The following CRACD variants were observed in gnomAD, a reference collection of about 807,000 sequenced individuals.
CRACD encodes the protein capping protein inhibiting regulator of actin dynamics.
Under a neutral mutation model 106.8 loss-of-function variants are expected in CRACD, and 56 were observed. That is an observed-to-expected ratio of 0.52 (90% confidence interval 0.42 to 0.66). CRACD has a LOEUF of 0.66. CRACD is among the 30% of genes least tolerant of loss of function. The probability of loss-of-function intolerance (pLI) is 0.00; values close to 1 mark genes in which losing one functional copy is unlikely to be tolerated. For synonymous variants in CRACD, 754 were observed against 670.8 expected (o/e 1.12, Z -1.92); for missense variants, 1,730 against 1,623.2 (o/e 1.07, Z -1.13).
chr4:56,100,481 G>A (rs1733742959), intron 1 of CRACD, among the ~76,000 whole-genome samples: 1 of 152,136 alleles, frequency 6.6e-6, no homozygotes, highest in African/African-American at 2.4e-5. Context: ...TCATAAAACT[G>A]TCAATAGGAA....
chr4:56,202,186 T>TTA (rs531300469), intron 2 of CRACD, among the ~76,000 whole-genome samples: 208 of 151,910 alleles, frequency 1.4e-3, no homozygotes, highest in African/African-American at 4.8e-3. Flanking sequence ...ACTTTTTATT[T>TTA]TATGTTTTAA....
chr4:56,068,631 C>T (rs1732536428), intron 1 of CRACD, among the ~76,000 whole-genome samples: 1 of 152,136 alleles, frequency 6.6e-6, no homozygotes, highest in Admixed American at 6.5e-5. Flanking sequence ...GGGTCAGATT[C>T]TGGACACATT....
chr4:56,293,423 G>A (rs1577868950), intron 3 of CRACD, among the ~76,000 whole-genome samples: 1 of 152,156 alleles, frequency 6.6e-6, no homozygotes, highest in Admixed American at 6.5e-5. Context: ...AAAAAACAAA[G>A]ATAAAGAGGC....
At position 56,108,393 on chromosome 4, in the gene CRACD, T is replaced by C. The variant is rs540806604; in HGVS notation, c.-336+59094T>C. 3.0e-3 allele frequency among the ~76,000 whole-genome samples: 460 copies of C among 152,206 alleles called. 2 individuals carry two copies. The highest frequency in any genetic ancestry group is 5.6e-3 in the Non-Finnish European group (381 of 68,004). ...TGAGAAAACACCAGAAAAATTCAAATTGGGAGAATATAAAATACAATGATT... is the reference window on the plus strand; with the variant it reads ...TGAGAAAACACCAGAAAAATTCAAACTGGGAGAATATAAAATACAATGATT... On this transcript the variant is annotated intron_variant, in intron 1 of 10. Coordinates refer to ENST00000682029, the MANE Select transcript of CRACD (RefSeq NM_001393381.1).
At chr4:56,169,261 A>T (rs553259326) in intron 1 of CRACD, among the ~76,000 whole-genome samples, 1 of 152,320 alleles carries the variant, frequency 6.6e-6, no homozygotes, top group South Asian at 2.1e-4. Context: ...GAAATTCAAG[A>T]CAGTTCCATA....
At chr4:56,285,129 G>A (rs1743262737) in intron 3 of CRACD, among the ~76,000 whole-genome samples, 1 of 152,108 alleles carries the variant, frequency 6.6e-6, no homozygotes, top group African/African-American at 2.4e-5. Context: ...AAGAACAAAG[G>A]GGGAAGTGCC....
chr4:56,110,392 AAACATGGAAACCAGGAAATAGTGCATTT>A (rs1210745732), intron 1 of CRACD, among the ~76,000 whole-genome samples: 1 of 152,190 alleles, frequency 6.6e-6, no homozygotes, highest in Admixed American at 6.5e-5. Context: ...AGGAAGAGGA[AAACATGGAAACCAGGAAATAGTGCATTT>A]ACCATGAAAG....
intron 4 of CRACD, chr4:56,301,360 C>T: frequency 2.0e-6 from 1 of 498,918 alleles, no homozygotes. Context: ...AGACCGCCCC[C>T]TTGTAGATGC....
At chr4:56,163,538 G>T (rs536361229) in intron 1 of CRACD, among the ~76,000 whole-genome samples, 1 of 151,850 alleles carries the variant, frequency 6.6e-6, no homozygotes, top group African/African-American at 2.4e-5. Context: ...TAGTTTGATT[G>T]CTTCATTTTA....
intron 3 of CRACD, among the ~76,000 whole-genome samples, chr4:56,292,787 G>A (rs1244688105): frequency 1.3e-5 from 2 of 152,146 alleles, no homozygotes; most frequent in Non-Finnish European, 2.9e-5. Flanking sequence ...GCCTCCCAAA[G>A]TGCTGGGATT....
intron 1 of CRACD, among the ~76,000 whole-genome samples, chr4:56,104,923 C>T (rs1172404820): frequency 1.4e-5 from 2 of 148,024 alleles, no homozygotes; most frequent in East Asian, 2.0e-4. Flanking sequence ...GCTGAGTTGG[C>T]GCCACTGTAC....
chr4:56,085,799 T>A (rs894229504), intron 1 of CRACD, among the ~76,000 whole-genome samples: 1 of 152,126 alleles, frequency 6.6e-6, no homozygotes, highest in Non-Finnish European at 1.5e-5. Flanking sequence ...GAACTGACAA[T>A]TTTTAGATAT....
Position 56,296,037 on chromosome 4 carries a change from C to T in CRACD, c.-16-2177C>T, listed in dbSNP as rs908755196. On this transcript the variant is annotated intron_variant, in intron 3 of 10. Coordinates refer to ENST00000682029, the MANE Select transcript of CRACD (RefSeq NM_001393381.1). The stretch of plus-strand genomic sequence containing the variant: ...TTTAGCTGAAGACGTATGCCTTATT[C>T]TAGCTATTTAGTGTCTTCAACCCTC... 3.3e-5 allele frequency among the ~76,000 whole-genome samples: 5 copies of T among 152,224 alleles called. No homozygotes were observed. The East Asian group carries it at 9.7e-4, about 30-fold the overall frequency.
intron 1 of CRACD, among the ~76,000 whole-genome samples, chr4:56,100,037 T>C (rs1048775361): frequency 5.9e-5 from 9 of 152,114 alleles, no homozygotes; most frequent in African/African-American, 2.2e-4. Flanking sequence ...GGTCAGGAGT[T>C]TGAGACCAGC....
chr4:56,256,808 A>T (rs965667472), intron 2 of CRACD, among the ~76,000 whole-genome samples: 1 of 152,210 alleles, frequency 6.6e-6, no homozygotes, highest in African/African-American at 2.4e-5. Context: ...CCCCCAACAG[A>T]TTGAATGGAC....
At chr4:56,150,490 GAA>G (rs1227544934) in intron 1 of CRACD, among the ~76,000 whole-genome samples, 2 of 152,164 alleles carry the variant, frequency 1.3e-5, no homozygotes, top group African/African-American at 4.8e-5. Context: ...CTAGTGGCAA[GAA>G]ATGAAACATT....
At chr4:56,180,258 G>A (rs923116413) in intron 2 of CRACD, among the ~76,000 whole-genome samples, 2 of 151,984 alleles carry the variant, frequency 1.3e-5, no homozygotes, top group African/African-American at 2.4e-5. Flanking sequence ...TTGGGAGGCC[G>A]AGGTGGGCGA....
At chr4:56,232,859 G>T (rs1739721339) in intron 2 of CRACD, among the ~76,000 whole-genome samples, 1 of 151,808 alleles carries the variant, frequency 6.6e-6, no homozygotes, top group African/African-American at 2.4e-5. Flanking sequence ...CAAGTAGTTG[G>T]GATTACAGGT....
chr4:56,326,016 A>G (rs1181264107), intron 10 of CRACD, among the ~76,000 whole-genome samples: 1 of 152,182 alleles, frequency 6.6e-6, no homozygotes, highest in Non-Finnish European at 1.5e-5. Flanking sequence ...GGTTCAAGCA[A>G]TTCTTCTGCC....
Sources: allele counts gnomAD v4.1 joint callset (sites outside exome capture counted in the v4.1 genomes callset), GRCh38; gene constraint gnomAD v4.1.1; transcripts MANE v1.5; gene names NCBI Gene and HGNC (gene_info 2026-07-23, HGNC 2026-07-21).